Variants in TTC39C observed in about 807,000 individuals in gnomAD.
The protein encoded by TTC39C is tetratricopeptide repeat domain 39C, also known as tetratricopeptide repeat protein 39C.
A neutral mutation model predicts 76.3 loss-of-function variants in TTC39C; 33 were observed. That is an observed-to-expected ratio of 0.43 (90% CI 0.33 to 0.58). The LOEUF (loss-of-function observed/expected upper bound fraction) is 0.58. TTC39C is among the 20% of genes least tolerant of loss of function. TTC39C has a pLI of 0.04. For synonymous variants in TTC39C, 254 were observed against 260.6 expected (o/e 0.97, Z 0.24); for missense variants, 595 against 701.4 (o/e 0.85, Z 1.71).
At chr18:24,076,149 T>A (rs2084304903) in intron 4 of TTC39C, among the ~76,000 whole-genome samples, 1 of 152,132 alleles carries the variant, frequency 6.6e-6, no homozygotes, top group African/African-American at 2.4e-5. Flanking sequence ...GCTAATTTTT[T>A]TGTATTTTTT....
At chr18:24,058,433 T>A (rs1445210582) in intron 1 of TTC39C, among the ~76,000 whole-genome samples, 5 of 152,142 alleles carry the variant, frequency 3.3e-5, no homozygotes, top group African/African-American at 1.2e-4. Context: ...GGCAGGTGGA[T>A]CACTTGAAGT....
chr18:24,021,014 C>T (rs1177072183), intron 1 of TTC39C, among the ~76,000 whole-genome samples: 2 of 152,106 alleles, frequency 1.3e-5, no homozygotes, highest in East Asian at 1.9e-4. Context: ...AGACCTTTCA[C>T]GCAGCCTGTT....
intron 1 of TTC39C, among the ~76,000 whole-genome samples, chr18:24,018,237 A>G (rs755610546): frequency 1.3e-5 from 2 of 152,298 alleles, no homozygotes; most frequent in East Asian, 1.9e-4. Context: ...CCCAAAGGTT[A>G]GGATAGATTT....
At chr18:24,022,447 G>T in intron 1 of TTC39C, 1 of 457,906 alleles carries the variant, frequency 2.2e-6, no homozygotes, top group Non-Finnish European at 2.9e-6. Context: ...CCCAACTCGG[G>T]TCTCGCAGCA....
chr18:24,051,295 T>C (rs1202719022), intron 1 of TTC39C, among the ~76,000 whole-genome samples: 2 of 152,194 alleles, frequency 1.3e-5, no homozygotes, highest in Non-Finnish European at 2.9e-5. Flanking sequence ...AGCCAGCGTA[T>C]TACGAAGTCT....
chr18:24,115,499 T>C (rs928454844), intron 7 of TTC39C, among the ~76,000 whole-genome samples: 12 of 152,122 alleles, frequency 7.9e-5, no homozygotes, highest in African/African-American at 2.9e-4. Context: ...TAAAAAGGAA[T>C]GACAGAGGCA....
chr18:24,111,859 G>A (rs911442605), intron 6 of TTC39C, among the ~76,000 whole-genome samples: 1 of 151,154 alleles, frequency 6.6e-6, no homozygotes, highest in Non-Finnish European at 1.5e-5. Context: ...CTACGAATGC[G>A]CCATTGCACT....
chr18:24,022,405 G>C (rs1008583320), intron 1 of TTC39C, among the ~76,000 whole-genome samples: 3 of 152,136 alleles, frequency 2.0e-5, no homozygotes, highest in Admixed American at 1.3e-4. Context: ...CTTAGACAGA[G>C]GGAGGAGGAA....
chr18:24,089,951 C>G (rs751921983), intron 6 of TTC39C, among the ~76,000 whole-genome samples: 2 of 152,070 alleles, frequency 1.3e-5, no homozygotes, highest in African/African-American at 2.4e-5. Flanking sequence ...TAAAAGTAAC[C>G]TAGTGATAAT....
intron 6 of TTC39C, among the ~76,000 whole-genome samples, chr18:24,109,089 C>T (rs532087456): frequency 6.8e-5 from 10 of 147,416 alleles, no homozygotes; most frequent in South Asian, 6.6e-4. Context: ...CTGTAATCCC[C>T]GTACTTTGGG....
At chr18:24,104,721 T>TGA (rs2084725373) in intron 6 of TTC39C, among the ~76,000 whole-genome samples, 1 of 150,504 alleles carries the variant, frequency 6.6e-6, no homozygotes, top group African/African-American at 2.5e-5. Context: ...TGTGTGTGTG[T>TGA]GACTGTGCAT....
intron 6 of TTC39C, among the ~76,000 whole-genome samples, chr18:24,099,485 G>T (rs2084650255): frequency 6.6e-6 from 1 of 151,836 alleles, no homozygotes; most frequent in African/African-American, 2.4e-5. Context: ...TGAGGCAGGA[G>T]CATTCCATAA....
intron 6 of TTC39C, chr18:24,113,556 G>A (rs915668513): frequency 4.0e-5 from 28 of 702,146 alleles, no homozygotes; most frequent in Middle Eastern, 2.3e-4. Context: ...CTCCCTGCAA[G>A]TGTAGGGCAG....
At chr18:24,109,350 T>C (rs558700934) in intron 6 of TTC39C, among the ~76,000 whole-genome samples, 2 of 150,844 alleles carry the variant, frequency 1.3e-5, no homozygotes, top group Admixed American at 1.3e-4. Flanking sequence ...ATAACAATAA[T>C]TAAACTTAAA....
At chr18:24,050,669 C>T (rs1406653314) in intron 1 of TTC39C, among the ~76,000 whole-genome samples, 4 of 150,932 alleles carry the variant, frequency 2.7e-5, no homozygotes, top group African/African-American at 9.7e-5. Flanking sequence ...GTCAGGAGTT[C>T]GAGACCAGCC....
rs892875398 is a variant in TTC39C, at chr18:24,062,137, C to T, written c.168-2003C>T. 5.3e-5 allele frequency among the ~76,000 whole-genome samples: 8 copies of T among 152,230 alleles called. No individual in the cohort carries two copies. In the Middle Eastern group the frequency reaches 0.024, roughly 453 times the overall value. On this transcript the variant is annotated intron_variant, in intron 1 of 13. Coordinates refer to ENST00000317571, the MANE Select transcript of TTC39C (RefSeq NM_001135993.2). ...TAAATGATAAGATGGTAGGTGAAGT[C>T]GAAAGGGCCAGGTTAGGTACCATGA... is the stretch of plus-strand genomic sequence containing the variant.
At chr18:24,033,985 T>C (rs2083704588) in intron 1 of TTC39C, among the ~76,000 whole-genome samples, 1 of 152,214 alleles carries the variant, frequency 6.6e-6, no homozygotes. Flanking sequence ...TGGAATGATA[T>C]CTAAATGGAA....
At chr18:24,120,244 G>T (rs1294232296) in intron 8 of TTC39C, among the ~76,000 whole-genome samples, 1 of 152,184 alleles carries the variant, frequency 6.6e-6, no homozygotes, top group South Asian at 2.1e-4. Context: ...CAGCTGCTTG[G>T]GAGGCTGAGG....
upstream of TTC39C, among the ~76,000 whole-genome samples, chr18:24,009,761 A>T (rs1462389749): frequency 1.3e-5 from 2 of 152,264 alleles, no homozygotes; most frequent in African/African-American, 4.8e-5. Context: ...GACTCTCTAC[A>T]GCAGCAGAAC....
Sources: allele counts gnomAD v4.1 joint callset (sites outside exome capture counted in the v4.1 genomes callset), GRCh38; gene constraint gnomAD v4.1.1; transcripts MANE v1.5; gene names NCBI Gene and HGNC (gene_info 2026-07-23, HGNC 2026-07-21).